The following SHANK2 variants were observed in gnomAD, a reference collection of about 807,000 sequenced individuals.
SHANK2 encodes the protein SH3 and multiple ankyrin repeat domains protein 2.
In SHANK2, 43 loss-of-function variants were observed where a neutral mutation model predicts 133.7. The ratio of observed to expected loss-of-function variants is 0.32; its 90% CI spans 0.25 to 0.41. The LOEUF is 0.41. SHANK2 is among the 10% of genes least tolerant of loss of function. SHANK2 has a pLI of 1.00. For missense variants in SHANK2, 1,994 were observed against 2,235.8 expected (o/e 0.89, Z 2.18); for synonymous variants, 1,017 against 952.8 (o/e 1.07, Z -1.24).
At chr11:70,758,640 A>C (rs1591819231) in intron 14 of SHANK2, among the ~76,000 whole-genome samples, 1 of 152,308 alleles carries the variant, frequency 6.6e-6, no homozygotes, top group Non-Finnish European at 1.5e-5. Flanking sequence ...GTGGCCCGCC[A>C]TCATCTTGGG....
At chr11:70,476,348 CAA>C (rs2058663517) in intron 25 of SHANK2, among the ~76,000 whole-genome samples, 3 of 152,288 alleles carry the variant, frequency 2.0e-5, no homozygotes, top group South Asian at 2.1e-4. Flanking sequence ...TTTATACTCT[CAA>C]GAGAGAGGTG....
chr11:70,547,982 A>G (rs1554976737), intron 17 of SHANK2, among the ~76,000 whole-genome samples: 1 of 152,224 alleles, frequency 6.6e-6, no homozygotes, highest in African/African-American at 2.4e-5. Flanking sequence ...AGCCACACAG[A>G]ATGCCCTAGA....
chr11:71,185,607 G>A (rs1159409477), intron 2 of SHANK2, among the ~76,000 whole-genome samples: 1 of 152,140 alleles, frequency 6.6e-6, no homozygotes, highest in East Asian at 1.9e-4. Context: ...GACCTGGAGG[G>A]TTCAAATCTC....
intron 17 of SHANK2, among the ~76,000 whole-genome samples, chr11:70,628,472 C>T (rs1365869107): frequency 2.0e-5 from 3 of 152,204 alleles, no homozygotes; most frequent in Admixed American, 6.5e-5. Context: ...CACTACTAAG[C>T]AGTGCCTTAA....
intron 14 of SHANK2, among the ~76,000 whole-genome samples, chr11:70,790,078 C>A (rs1190127073): frequency 6.6e-6 from 1 of 152,228 alleles, no homozygotes; most frequent in African/African-American, 2.4e-5. Context: ...TGGGTGCCAA[C>A]TGATTACTTC....
intron 15 of SHANK2, among the ~76,000 whole-genome samples, chr11:70,685,843 C>A (rs61886410): frequency 9.2e-5 from 14 of 152,130 alleles, no homozygotes; most frequent in Non-Finnish European, 1.9e-4. Flanking sequence ...TGAGTGCTGA[C>A]AATGTACCAA....
intron 14 of SHANK2, among the ~76,000 whole-genome samples, chr11:70,720,176 CCTGGGAGATGCCCATAAA>C (rs1555028614): frequency 2.0e-5 from 3 of 152,200 alleles, no homozygotes; most frequent in Non-Finnish European, 2.9e-5. Flanking sequence ...GGGCCTGGTA[CCTGGGAGATGCCCATAAA>C]CACCGACTAC....
chr11:70,829,836 G>A (rs542469381), intron 11 of SHANK2, among the ~76,000 whole-genome samples: 1 of 152,294 alleles, frequency 6.6e-6, no homozygotes, highest in East Asian at 1.9e-4. Flanking sequence ...CCCGGTCCTG[G>A]GCCAGGCTCT....
At chr11:70,492,255 C>T in intron 22 of SHANK2, 80 bp downstream of exon 22, 3 of 1,584,832 alleles carry the variant, frequency 1.9e-6, no homozygotes, top group Non-Finnish European at 2.6e-6. Context: ...AGCGTGTGCA[C>T]CTCAGCTACT....
intron 17 of SHANK2, among the ~76,000 whole-genome samples, chr11:70,609,277 A>G (rs1435461856): frequency 2.0e-5 from 3 of 152,230 alleles, no homozygotes; most frequent in East Asian, 3.8e-4. Context: ...TTTCAAAGCG[A>G]AAGAGGAAGA....
intron 10 of SHANK2, among the ~76,000 whole-genome samples, chr11:70,949,868 C>T (rs1275480320): frequency 1.3e-5 from 2 of 152,212 alleles, no homozygotes; most frequent in African/African-American, 4.8e-5. Flanking sequence ...CTTAGTGAGT[C>T]GGGGCCTCTA....
At chr11:71,205,854 T>C (rs1555117914) in intron 2 of SHANK2, among the ~76,000 whole-genome samples, 1 of 151,636 alleles carries the variant, frequency 6.6e-6, no homozygotes, top group East Asian at 1.9e-4. Context: ...ATGTCAAGAG[T>C]CGTTTCTGGA....
At chr11:71,223,390 T>C (rs1378357907) in intron 2 of SHANK2, among the ~76,000 whole-genome samples, 3 of 152,250 alleles carry the variant, frequency 2.0e-5, no homozygotes, top group South Asian at 2.1e-4. Flanking sequence ...CAACCAACCA[T>C]GCGCACATTG....
chr11:70,570,337 G>A (rs2136175451), intron 17 of SHANK2, among the ~76,000 whole-genome samples: 1 of 152,344 alleles, frequency 6.6e-6, no homozygotes, highest in South Asian at 2.1e-4. Flanking sequence ...CCTGATGGTA[G>A]AACTTCAGGC....
chr11:70,688,781 G>C (rs1403853981), intron 15 of SHANK2, among the ~76,000 whole-genome samples: 1 of 152,058 alleles, frequency 6.6e-6, no homozygotes, highest in Non-Finnish European at 1.5e-5. Context: ...TCCCATCAGA[G>C]AGCCTCCTCC....
chr11:70,803,206 G>A (rs1369720778), intron 13 of SHANK2, among the ~76,000 whole-genome samples: 4 of 150,210 alleles, frequency 2.7e-5, no homozygotes, highest in Admixed American at 6.6e-5. Context: ...ATTCTTTCAC[G>A]CTGCCATGCA....
chr11:70,486,812 C>G lies in SHANK2; in HGVS notation c.3481G>C (p.Ala1161Pro). The G allele has an allele frequency of 6.2e-7, 1 of 1,612,328 alleles. No individual in the cohort carries two copies. The highest frequency in any genetic ancestry group is 2.2e-5 in the East Asian group (1 of 44,856). ...GCCTCACCCGGAGCACTGGCCTCGG[C>G]GCCACCCACGAAATGGTTTTCGGGC... ...REPENHFVGG[A>P]EASAPGEAGR... Residue 1161 changes from alanine to proline, a missense_variant, in exon 25 of 26, where the codon GCC becomes CCC. By Grantham distance (27) the Ala-to-Pro change is conservative. Around this residue, in one of 5 missense-constraint regions of SHANK2, gnomAD observed 797 missense variants for 907.4 expected, o/e 0.88. Transcript: ENST00000601538. This position sits in a 1 kb window ranked among gnomAD's most constrained non-coding sequence, Gnocchi z 8.0.
chr11:70,815,892 T>C (rs1301724559), intron 12 of SHANK2, among the ~76,000 whole-genome samples: 1 of 152,026 alleles, frequency 6.6e-6, no homozygotes, highest in Non-Finnish European at 1.5e-5. Flanking sequence ...CCAAGAGGGG[T>C]GCTGAGCATG....
chr11:70,722,846 G>A (rs1021639798), intron 14 of SHANK2, among the ~76,000 whole-genome samples: 1 of 152,216 alleles, frequency 6.6e-6, no homozygotes, highest in Non-Finnish European at 1.5e-5. Context: ...TACGACTTAT[G>A]AGAAGTGGCA....
Sources: allele counts gnomAD v4.1 joint callset (sites outside exome capture counted in the v4.1 genomes callset), GRCh38; gene constraint gnomAD v4.1.1; regional missense constraint gnomAD v4.1.1; non-coding constraint Gnocchi (gnomAD v3.1); transcripts MANE v1.5; gene names NCBI Gene and HGNC (gene_info 2026-07-23, HGNC 2026-07-21).